PTPN13: variants seen among roughly 807,000 people sequenced by gnomAD.
PTPN13 encodes protein tyrosine phosphatase non-receptor type 13.
A neutral mutation model predicts 284.0 loss-of-function variants in PTPN13; 191 were observed. The observed-to-expected ratio is 0.67, with a 90% CI of 0.60 to 0.76. The LOEUF (loss-of-function observed/expected upper bound fraction) is 0.76, where lower values mean the gene tolerates loss of function less well. PTPN13 is among the 30% of genes least tolerant of loss of function. The probability of loss-of-function intolerance (pLI) is 0.00; values close to 1 mark genes in which losing one functional copy is unlikely to be tolerated. For synonymous variants in PTPN13, 986 were observed against 1,022.3 expected, an observed-to-expected ratio of 0.96 and a Z score of 0.68; for missense variants, 2,797 against 2,939.9, an observed-to-expected ratio of 0.95 and a Z score of 1.12.
chr4:86,649,599 T>C (rs1724847330), intron 2 of PTPN13, among the ~76,000 whole-genome samples: 1 of 152,234 alleles, frequency 6.6e-6, no homozygotes, highest in Non-Finnish European at 1.5e-5. Context: ...TCTGTTTCTA[T>C]GTTAATACCA....
At chr4:86,618,339 A>G (rs144746295) in intron 1 of PTPN13, among the ~76,000 whole-genome samples, 1,729 of 152,224 alleles carry the variant, frequency 0.011, 23 homozygotes, top group Non-Finnish European at 0.018. Context: ...GTCTTGTAGT[A>G]TAGTTTGAAG....
At chr4:86,603,866 A>G (rs923729173) in intron 1 of PTPN13, among the ~76,000 whole-genome samples, 1 of 152,102 alleles carries the variant, frequency 6.6e-6, no homozygotes, top group Non-Finnish European at 1.5e-5. Context: ...CAGGGAGACT[A>G]GTTCATGGCC....
intron 5 of PTPN13, chr4:86,689,541 TGG>T (rs1729802305): frequency 6.3e-6 from 4 of 632,634 alleles, no homozygotes; most frequent in Non-Finnish European, 1.1e-5. Flanking sequence ...AACATGAAAA[TGG>T]GTTTTAGAAA....
At chr4:86,717,237 G>A in intron 9 of PTPN13, 120 bp downstream of exon 9, 1 of 634,534 alleles carries the variant, frequency 1.6e-6, no homozygotes, top group South Asian at 2.2e-5. Flanking sequence ...TGCCTAAGCT[G>A]GAGTGCAGTG....
chr4:86,751,308 C>T (rs1737358654), intron 19 of PTPN13, among the ~76,000 whole-genome samples, 184 bp downstream of exon 19: 1 of 152,148 alleles, frequency 6.6e-6, no homozygotes, highest in Non-Finnish European at 1.5e-5. Context: ...GTGATTGCTT[C>T]ATGGTACAGA....
intron 7 of PTPN13, among the ~76,000 whole-genome samples, chr4:86,705,963 A>G (rs940453079): frequency 6.6e-6 from 1 of 152,110 alleles, no homozygotes; most frequent in Non-Finnish European, 1.5e-5. Context: ...TTCTCCTCCA[A>G]CCTCTGATAA....
chr4:86,680,238 C>T (rs1481391428), intron 3 of PTPN13, among the ~76,000 whole-genome samples: 3 of 151,996 alleles, frequency 2.0e-5, no homozygotes. Context: ...GTTTATATTC[C>T]AGTATGTTAT....
rs902616391 is a variant in PTPN13 at position 86,725,445 on chromosome 4, G to C, written c.1608+3011G>C. On this transcript the variant is annotated intron_variant, in intron 10 of 47. Transcript: ENST00000411767. ...TTACGCTCCCACCAACAGTGTAAAA[G>C]CGTTCCTATTTCTCCACATCCTCTC... Among the ~76,000 whole-genome samples the C allele has an allele frequency of 3.1e-4, 47 of 149,628 alleles. 2 individuals carry two copies. Among genetic ancestry groups the C allele is most frequent in the Middle Eastern group, 6.9e-3 (2 of 290 alleles).
chr4:86,673,182 G>A (rs1349373935), intron 3 of PTPN13, among the ~76,000 whole-genome samples: 2 of 152,146 alleles, frequency 1.3e-5, no homozygotes, highest in African/African-American at 4.8e-5. Context: ...GACTGGTATG[G>A]GGCTGGAGGT....
At chr4:86,621,823 C>G (rs1320253278) in intron 1 of PTPN13, among the ~76,000 whole-genome samples, 1 of 151,616 alleles carries the variant, frequency 6.6e-6, no homozygotes, top group African/African-American at 2.4e-5. Context: ...TTTTCTTATT[C>G]TTTTCCTTTT....
chr4:86,735,592 A>G lies in PTPN13; in HGVS notation c.2152-2A>G, dbSNP rs1251876403. On this transcript the variant is annotated splice_acceptor_variant, in intron 14 of 47. Coordinates refer to ENST00000411767, the MANE Select transcript of PTPN13 (RefSeq NM_080683.3). LOFTEE classifies it high-confidence loss of function. ...TGCTTATGAAAACATTCTTTTATCT[A>G]GGTTCATGGTGTGTCTTACTTTAGA... The G allele has an allele frequency of 6.2e-7, 1 of 1,605,486 alleles. No individual in the cohort carries two copies. The highest frequency in any genetic ancestry group is 1.7e-5 in the Admixed American group (1 of 57,308).
chr4:86,611,214 A>G (rs1719853522), intron 1 of PTPN13, among the ~76,000 whole-genome samples: 1 of 152,218 alleles, frequency 6.6e-6, no homozygotes, highest in Non-Finnish European at 1.5e-5. Context: ...TCACTTTGTG[A>G]TTTATTTACC....
At chr4:86,760,359 C>T (rs1738536990) in intron 23 of PTPN13, among the ~76,000 whole-genome samples, 1 of 152,150 alleles carries the variant, frequency 6.6e-6, no homozygotes, top group African/African-American at 2.4e-5. Flanking sequence ...CATTGGGTCC[C>T]ATTATTCACC....
At chr4:86,637,158 A>G (rs910338629) in intron 2 of PTPN13, among the ~76,000 whole-genome samples, 17 of 152,136 alleles carry the variant, frequency 1.1e-4, no homozygotes, top group African/African-American at 4.1e-4. Flanking sequence ...ATAGACCAAT[A>G]ACAGGATCTG....
chr4:86,709,058 TAC>T (rs1369739350), intron 7 of PTPN13, among the ~76,000 whole-genome samples: 1 of 151,054 alleles, frequency 6.6e-6, no homozygotes, highest in Admixed American at 6.6e-5. Context: ...AAGAAATACA[TAC>T]ACACACACAT....
In PTPN13 at chr4:86,761,171, A is replaced by ATATATAT. The variant is rs1166814661; in HGVS notation, c.3554-1556_3554-1555insTATATAT. On this transcript the variant is annotated intron_variant, in intron 23 of 47. Coordinates refer to ENST00000411767, the MANE Select transcript of PTPN13 (RefSeq NM_080683.3). ...ATATATATATATATATATATATATA[A>ATATATAT]ACACAACACATACACACACTATTTT... 3.9e-3 allele frequency among the ~76,000 whole-genome samples: 337 copies of ATATATAT among 85,922 alleles called. 4 individuals carry two copies. Among genetic ancestry groups the ATATATAT allele is most frequent in the South Asian group, 0.016 (46 of 2,882 alleles). 56.4% of individuals were successfully genotyped at this position (85,922 alleles called of 152,430 possible).
At chr4:86,726,724 G>A (rs1484801563) in intron 10 of PTPN13, among the ~76,000 whole-genome samples, 1 of 149,182 alleles carries the variant, frequency 6.7e-6, no homozygotes, top group African/African-American at 2.4e-5. Context: ...TGAGACGATG[G>A]GGTTTTCTAA....
At position 86,775,566 on chromosome 4, in the gene PTPN13, C is replaced by T. The variant is rs1038884918; in HGVS notation, c.5805C>T (p.Asn1935=). ...LQLLDVIHYV[N]GVSTQGMTLE... ...TATTAGATGTCATCCATTATGTGAA[C>T]GGAGTCAGCACACAAGGAATGACCT... The change falls in exon 35 of 48, where the codon AAC becomes AAT. Residue 1935 remains asparagine, a synonymous_variant. Coordinates refer to ENST00000411767, the MANE Select transcript of PTPN13 (RefSeq NM_080683.3). 1.4e-5 allele frequency: 22 copies of T among 1,613,554 alleles called. No individual in the cohort carries two copies. Among genetic ancestry groups the T allele is most frequent in the East Asian group, 2.2e-5 (1 of 44,862 alleles).
intron 2 of PTPN13, among the ~76,000 whole-genome samples, chr4:86,660,416 C>A (rs1726349306): frequency 6.6e-6 from 1 of 151,468 alleles, no homozygotes; most frequent in Non-Finnish European, 1.5e-5. Flanking sequence ...AAAAAAAAGA[C>A]TTTATAGGAA....
Sources: gnomAD v4.1 joint callset for allele counts (sites outside exome capture counted in the v4.1 genomes callset) on GRCh38, gnomAD v4.1.1 for gene constraint, MANE v1.5 for transcripts, NCBI Gene and HGNC (gene_info 2026-07-23, HGNC 2026-07-21) for gene names.